ZC3H12B: variants seen among roughly 807,000 people sequenced by gnomAD.
The protein encoded by ZC3H12B is probable ribonuclease ZC3H12B.
In ZC3H12B, 7 loss-of-function variants were observed where a neutral mutation model predicts 43.9. The observed-to-expected ratio is 0.16, with a 90% CI of 0.09 to 0.30. The LOEUF (loss-of-function observed/expected upper bound fraction) is 0.30. Among genes scored for constraint, ZC3H12B ranks in the 10% least tolerant of loss-of-function variants. The probability of loss-of-function intolerance (pLI) is 1.00; values close to 1 mark genes in which losing one functional copy is unlikely to be tolerated. For missense variants in ZC3H12B, 475 were observed against 670.2 expected, an observed-to-expected ratio of 0.71 and a Z score of 3.22; for synonymous variants, 222 against 241.7, an observed-to-expected ratio of 0.92 and a Z score of 0.76.
chrX:65,382,462 A>T (rs1330125122), intron 2 of ZC3H12B, among the ~76,000 whole-genome samples: 1 of 111,550 alleles, frequency 9.0e-6, no homozygotes, highest in Non-Finnish European at 1.9e-5. Flanking sequence ...TCAAAATAAT[A>T]AGAGCTATTT....
At chrX:65,127,088 T>G in the ZC3H12B span, among the ~76,000 whole-genome samples, 1 of 111,143 alleles carries the variant, frequency 9.0e-6, no homozygotes, top group Non-Finnish European at 1.9e-5. Context: ...TATGTCATAT[T>G]AATCAGAATT....
chrX:65,103,771 G>A, the ZC3H12B span, among the ~76,000 whole-genome samples: 1 of 111,366 alleles, frequency 9.0e-6, no homozygotes, highest in Non-Finnish European at 1.9e-5. Flanking sequence ...AATAAGAGAG[G>A]ACACAAACAA....
the ZC3H12B span, among the ~76,000 whole-genome samples, chrX:65,060,517 T>C: frequency 3.6e-5 from 4 of 112,432 alleles, no homozygotes; most frequent in Non-Finnish European, 7.5e-5. Flanking sequence ...GGTTTGCATA[T>C]GTTGAACCAT....
the ZC3H12B span, among the ~76,000 whole-genome samples, chrX:65,344,129 T>C: frequency 8.9e-6 from 1 of 112,045 alleles, no homozygotes; most frequent in African/African-American, 3.2e-5. Context: ...ACCAGGGAGT[T>C]GAAAGATTTC....
chrX:65,180,278 G>A, the ZC3H12B span, among the ~76,000 whole-genome samples: 2 of 111,828 alleles, frequency 1.8e-5, no homozygotes, highest in African/African-American at 6.5e-5. Context: ...AATAGATGTA[G>A]AAAAAGCGTT....
At chrX:65,338,973 C>A in the ZC3H12B span, among the ~76,000 whole-genome samples, 1 of 112,126 alleles carries the variant, frequency 8.9e-6, no homozygotes, top group Non-Finnish European at 1.9e-5. Context: ...AATGCCCGCA[C>A]TTTTACTCAA....
the ZC3H12B span, among the ~76,000 whole-genome samples, chrX:65,190,952 T>C: frequency 1.0e-5 from 1 of 96,482 alleles, no homozygotes. Context: ...AGATAGCTCT[T>C]ATTATTTTGA....
chrX:65,348,089 G>A, the ZC3H12B span, among the ~76,000 whole-genome samples: 1 of 110,585 alleles, frequency 9.0e-6, no homozygotes, highest in African/African-American at 3.3e-5. Flanking sequence ...GTGGTGGGGT[G>A]GGGGGAGTGG....
the ZC3H12B span, among the ~76,000 whole-genome samples, chrX:65,096,585 G>C: frequency 9.0e-6 from 1 of 111,301 alleles, no homozygotes; most frequent in Non-Finnish European, 1.9e-5. Context: ...GGATATATCA[G>C]TAGAAAACTG....
the ZC3H12B span, among the ~76,000 whole-genome samples, chrX:65,296,346 C>G: frequency 9.0e-6 from 1 of 110,600 alleles, no homozygotes; most frequent in Non-Finnish European, 1.9e-5. Context: ...AATTTGGGGA[C>G]TCGGGGAAAG....
At chrX:65,257,745 C>A in the ZC3H12B span, among the ~76,000 whole-genome samples, 58 of 110,978 alleles carry the variant, frequency 5.2e-4, no homozygotes, top group Non-Finnish European at 9.3e-4. Flanking sequence ...TCAGAGACTA[C>A]TAAAACACTC....
chrX:65,448,993 G>GAAAGAA (rs1569412222), intron 3 of ZC3H12B, among the ~76,000 whole-genome samples: 12 of 30,777 alleles, frequency 3.9e-4, no homozygotes, highest in African/African-American at 1.3e-3. Flanking sequence ...AAGAAAGAAA[G>GAAAGAA]AGAGGAAAGA....
chrX:65,124,379 G>A, the ZC3H12B span, among the ~76,000 whole-genome samples: 1 of 110,998 alleles, frequency 9.0e-6, no homozygotes, highest in Non-Finnish European at 1.9e-5. Flanking sequence ...TATGCTGTTG[G>A]ACTCAGTTTG....
chrX:65,164,944 A>G, the ZC3H12B span, among the ~76,000 whole-genome samples: 1 of 112,253 alleles, frequency 8.9e-6, no homozygotes, highest in Non-Finnish European at 1.9e-5. Flanking sequence ...AATAAAATCA[A>G]TCATACTATT....
the ZC3H12B span, among the ~76,000 whole-genome samples, chrX:65,091,878 CAG>C: frequency 1.8e-5 from 2 of 112,195 alleles, no homozygotes; most frequent in African/African-American, 6.5e-5. Flanking sequence ...TCAAATAAAA[CAG>C]GGTGATATGG....
At chrX:65,054,621 A>T in the ZC3H12B span, among the ~76,000 whole-genome samples, 1 of 111,899 alleles carries the variant, frequency 8.9e-6, no homozygotes, top group Non-Finnish European at 1.9e-5. Context: ...CAATTCTGTG[A>T]AGAAAGTCAT....
intron 3 of ZC3H12B, chrX:65,407,988 G>A: frequency 1.9e-6 from 2 of 1,026,005 alleles, no homozygotes; most frequent in Non-Finnish European, 2.6e-6. Context: ...CTTCTGCCTG[G>A]CTTTCCGGCT....
At chrX:65,338,904 C>A in the ZC3H12B span, among the ~76,000 whole-genome samples, 1 of 112,146 alleles carries the variant, frequency 8.9e-6, no homozygotes, top group East Asian at 2.8e-4. Flanking sequence ...CTACAGCCAG[C>A]ATCATACTGA....
the ZC3H12B span, among the ~76,000 whole-genome samples, chrX:65,077,160 T>C: frequency 8.9e-6 from 1 of 111,779 alleles, no homozygotes; most frequent in African/African-American, 3.3e-5. Context: ...TTTGTCTTTC[T>C]GATGGTGCTG....
Sources: gnomAD v4.1 joint callset for allele counts (sites outside exome capture counted in the v4.1 genomes callset) on GRCh38, gnomAD v4.1.1 for gene constraint, MANE v1.5 for transcripts, NCBI Gene and HGNC (gene_info 2026-07-23, HGNC 2026-07-21) for gene names.